SNTG2: variants seen among roughly 807,000 people sequenced by gnomAD.
SNTG2 encodes gamma-2-syntrophin.
SNTG2 carries 74 observed loss-of-function variants against 70.9 expected under a neutral mutation model. The ratio of observed to expected loss-of-function variants is 1.04; its 90% CI spans 0.86 to 1.27. SNTG2 has a LOEUF of 1.27. SNTG2 is among the 50% of genes most tolerant of loss of function. SNTG2 has a pLI of 0.00. For synonymous variants in SNTG2, 278 were observed against 273.8 expected, an observed-to-expected ratio of 1.02 and a Z score of -0.15; for missense variants, 717 against 690.7, an observed-to-expected ratio of 1.04 and a Z score of -0.43.
intron 12 of SNTG2, among the ~76,000 whole-genome samples, chr2:1,257,391 C>T (rs1381358179): frequency 6.6e-6 from 1 of 152,104 alleles, no homozygotes; most frequent in East Asian, 1.9e-4. Context: ...GAGAAGGGAT[C>T]CCCAGGGGGA....
At chr2:1,222,039 C>T (rs1231000915) in intron 9 of SNTG2, among the ~76,000 whole-genome samples, 1 of 6,386 alleles carries the variant, frequency 1.6e-4, no homozygotes, top group Non-Finnish European at 2.7e-4. Flanking sequence ...CTATCTCTGT[C>T]TCTCTCTGTC....
At chr2:1,103,038 G>C (rs1375637969) in intron 4 of SNTG2, among the ~76,000 whole-genome samples, 1 of 152,168 alleles carries the variant, frequency 6.6e-6, no homozygotes, top group Non-Finnish European at 1.5e-5. Context: ...CCGCCCCCTG[G>C]TCCCTCTGAT....
chr2:1,103,713 C>A (rs1449661311), intron 4 of SNTG2, among the ~76,000 whole-genome samples: 13 of 152,148 alleles, frequency 8.5e-5, no homozygotes, highest in Non-Finnish European at 2.9e-5. Flanking sequence ...TACCAATGAT[C>A]CATTTGATGA....
chr2:1,158,166 T>G (rs1670026460), intron 6 of SNTG2: 2 of 152,230 alleles, frequency 1.3e-5, no homozygotes, highest in African/African-American at 4.8e-5. Flanking sequence ...GATACTTGAA[T>G]CATTTCTAAT....
At chr2:1,098,634 TTC>T (rs1383556466) in intron 4 of SNTG2, among the ~76,000 whole-genome samples, 1 of 152,214 alleles carries the variant, frequency 6.6e-6, no homozygotes, top group East Asian at 1.9e-4. Flanking sequence ...GAGACACTAA[TTC>T]TCTGTTTGAG....
At chr2:1,087,886 C>A (rs1185978700) in intron 2 of SNTG2, among the ~76,000 whole-genome samples, 1 of 152,218 alleles carries the variant, frequency 6.6e-6, no homozygotes, top group African/African-American at 2.4e-5. Context: ...TGGATCATCA[C>A]ACTTGCAAGC....
intron 14 of SNTG2, among the ~76,000 whole-genome samples, chr2:1,301,272 G>T (rs2148236428): frequency 6.6e-6 from 1 of 152,270 alleles, no homozygotes; most frequent in South Asian, 2.1e-4. Flanking sequence ...ACTCACTGTG[G>T]TTGTCACTGC....
chr2:1,176,539 T>G (rs1375084260), intron 8 of SNTG2, among the ~76,000 whole-genome samples: 1 of 152,042 alleles, frequency 6.6e-6, no homozygotes, highest in African/African-American at 2.4e-5. Flanking sequence ...CAAAAACAAC[T>G]ATCATCAGAG....
chr2:1,318,736 GGTTT>G (rs1681398143), intron 16 of SNTG2, among the ~76,000 whole-genome samples: 1 of 152,230 alleles, frequency 6.6e-6, no homozygotes, highest in Non-Finnish European at 1.5e-5. Flanking sequence ...TTCTTCCTCT[GGTTT>G]GTTTATTTAT....
At chr2:1,316,405 C>A in intron 16 of SNTG2, 30 bp downstream of exon 16, 3 of 1,137,388 alleles carry the variant, frequency 2.6e-6, no homozygotes, top group Non-Finnish European at 3.9e-6. Context: ...GGTTATTCTG[C>A]CACCACCCAC....
intron 14 of SNTG2, among the ~76,000 whole-genome samples, chr2:1,285,221 C>T (rs1292040795): frequency 6.6e-6 from 1 of 152,118 alleles, no homozygotes; most frequent in African/African-American, 2.4e-5. Context: ...ATGGTGCCCA[C>T]CCAGATTAAG....
chr2:1,305,177 T>A (rs187816183), intron 14 of SNTG2, among the ~76,000 whole-genome samples: 1 of 152,354 alleles, frequency 6.6e-6, no homozygotes, highest in African/African-American at 2.4e-5. Context: ...GTTCTGCATA[T>A]ACCTTTTCTC....
chr2:1,131,791 A>G (rs574549487), intron 4 of SNTG2, among the ~76,000 whole-genome samples: 52 of 151,986 alleles, frequency 3.4e-4, no homozygotes, highest in African/African-American at 1.2e-3. Context: ...AGCTGGGACT[A>G]CAGGCGACGC....
intron 1 of SNTG2, among the ~76,000 whole-genome samples, chr2:981,563 C>G (rs1338151570): frequency 6.6e-6 from 1 of 151,970 alleles, no homozygotes; most frequent in Admixed American, 6.5e-5. Context: ...ACACACATGC[C>G]TGCACACACA....
At chr2:1,024,607 T>C (rs12105192) in intron 1 of SNTG2, among the ~76,000 whole-genome samples, 46,609 of 152,012 alleles carry the variant, frequency 0.31, 7,554 homozygotes, top group African/African-American at 0.4. Flanking sequence ...ACTCCTGGGC[T>C]CAAGCGATTC....
intron 1 of SNTG2, among the ~76,000 whole-genome samples, chr2:1,021,254 C>A (rs1364370642): frequency 6.6e-6 from 1 of 152,052 alleles, no homozygotes; most frequent in South Asian, 2.1e-4. Context: ...TTAAATAGAC[C>A]CAAATGTGAT....
intron 1 of SNTG2, among the ~76,000 whole-genome samples, chr2:1,070,395 G>T (rs549376401): frequency 4.6e-5 from 7 of 152,174 alleles, no homozygotes; most frequent in Non-Finnish European, 1.0e-4. Context: ...TCTGTAAAAT[G>T]AGGGTGTTTA....
chr2:1,308,644 A>G (rs989509225), intron 15 of SNTG2, 58 bp downstream of exon 15: 8 of 1,393,924 alleles, frequency 5.7e-6, no homozygotes, highest in Non-Finnish European at 3.0e-6. Flanking sequence ...GTTACATTCC[A>G]TGGGCGTTAA....
At chr2:1,170,967 A>G (rs1277589874) in intron 7 of SNTG2, among the ~76,000 whole-genome samples, 5 of 152,134 alleles carry the variant, frequency 3.3e-5, no homozygotes, top group Non-Finnish European at 5.9e-5. Context: ...CATTCCAACC[A>G]GCATTGCCTG....
Sources: gnomAD v4.1 joint callset for allele counts (sites outside exome capture counted in the v4.1 genomes callset) on GRCh38, gnomAD v4.1.1 for gene constraint, MANE v1.5 for transcripts, NCBI Gene and HGNC (gene_info 2026-07-23, HGNC 2026-07-21) for gene names.